Variants in MGAT4C observed in about 807,000 individuals in gnomAD.
The protein encoded by MGAT4C is alpha-1,3-mannosyl-glycoprotein 4-beta-N-acetylglucosaminyltransferase C.
In MGAT4C, 19 loss-of-function variants were observed where a neutral mutation model predicts 40.1. The observed-to-expected ratio is 0.47, with a 90% CI of 0.33 to 0.70. The LOEUF (loss-of-function observed/expected upper bound fraction) is 0.70, where lower values mean the gene tolerates loss of function less well. Among genes scored for constraint, MGAT4C ranks in the 30% least tolerant of loss-of-function variants. MGAT4C has a pLI of 0.02. For missense variants in MGAT4C, 491 were observed against 563.2 expected, an observed-to-expected ratio of 0.87 and a Z score of 1.30; for synonymous variants, 181 against 187.1, an observed-to-expected ratio of 0.97 and a Z score of 0.27.
intron 2 of MGAT4C, among the ~76,000 whole-genome samples, chr12:86,616,331 G>C (rs554452140): frequency 1.2e-3 from 179 of 152,136 alleles, no homozygotes; most frequent in African/African-American, 4.3e-3. Context: ...TTCTAGATTA[G>C]ACAAATTAAT....
chr12:86,423,500 A>G (rs969781828), intron 3 of MGAT4C, among the ~76,000 whole-genome samples: 5 of 152,070 alleles, frequency 3.3e-5, no homozygotes, highest in Non-Finnish European at 5.9e-5. Context: ...ACTATCCACT[A>G]TATAATTTCT....
At chr12:86,129,522 A>G (rs1404844103) in intron 1 of MGAT4C, among the ~76,000 whole-genome samples, 1 of 147,378 alleles carries the variant, frequency 6.8e-6, no homozygotes, top group Non-Finnish European at 1.5e-5. Flanking sequence ...CTTACATACA[A>G]CTGAGTTTTT....
chr12:86,061,108 A>G (rs1324561513), intron 1 of MGAT4C, among the ~76,000 whole-genome samples: 1 of 152,146 alleles, frequency 6.6e-6, no homozygotes, highest in Non-Finnish European at 1.5e-5. Context: ...TGCAGCTCCC[A>G]GCAAGATCAA....
chr12:86,076,139 A>G (rs1869657489), intron 1 of MGAT4C, among the ~76,000 whole-genome samples: 1 of 152,210 alleles, frequency 6.6e-6, no homozygotes, highest in Non-Finnish European at 1.5e-5. Flanking sequence ...TTATTTTGCC[A>G]GATACCCTAA....
chr12:86,244,020 G>GT (rs1951911064), intron 1 of MGAT4C, among the ~76,000 whole-genome samples: 1 of 152,114 alleles, frequency 6.6e-6, no homozygotes, highest in African/African-American at 2.4e-5. Flanking sequence ...TGCTGCTGGT[G>GT]GTGTTTGTCA....
intron 1 of MGAT4C, among the ~76,000 whole-genome samples, chr12:86,199,049 G>T (rs1949932760): frequency 1.3e-5 from 2 of 152,162 alleles, no homozygotes; most frequent in Non-Finnish European, 2.9e-5. Context: ...TTACCTTAAT[G>T]ATAATGCTGA....
At chr12:86,226,781 C>T (rs939689355) in intron 1 of MGAT4C, among the ~76,000 whole-genome samples, 1 of 151,962 alleles carries the variant, frequency 6.6e-6, no homozygotes, top group Non-Finnish European at 1.5e-5. Flanking sequence ...TTCTTTTCAG[C>T]GTTGTCAAAA....
At chr12:86,452,177 AG>A (rs552520166) in intron 2 of MGAT4C, among the ~76,000 whole-genome samples, 1 of 149,986 alleles carries the variant, frequency 6.7e-6, no homozygotes, top group Non-Finnish European at 1.5e-5. Context: ...AGTACTAACT[AG>A]GGCCATTCTT....
At chr12:86,808,859 C>T (rs1323079172) in intron 1 of MGAT4C, among the ~76,000 whole-genome samples, 1 of 151,982 alleles carries the variant, frequency 6.6e-6, no homozygotes, top group Non-Finnish European at 1.5e-5. Context: ...TATACAGATA[C>T]TGTGATCCTA....
intron 3 of MGAT4C, among the ~76,000 whole-genome samples, chr12:85,986,973 G>T (rs898644356): frequency 1.3e-4 from 19 of 151,798 alleles, no homozygotes; most frequent in Admixed American, 9.2e-4. Flanking sequence ...ATGCGATTTG[G>T]TTAAAAAACA....
At chr12:86,306,680 G>A (rs1953941393) in intron 4 of MGAT4C, among the ~76,000 whole-genome samples, 1 of 150,380 alleles carries the variant, frequency 6.6e-6, no homozygotes, top group Non-Finnish European at 1.5e-5. Flanking sequence ...TAGGATTTGT[G>A]CATTTTATTC....
Position 86,419,412 on chromosome 12 carries a change from ATAAATTT to A in MGAT4C, c.-120+15738_-120+15744del, listed in dbSNP as rs574115168. Among the ~76,000 whole-genome samples, 8 of 151,340 alleles carry A rather than the reference ATAAATTT, an allele frequency of 5.3e-5. No individual in the cohort carries two copies. In the East Asian group the frequency reaches 1.5e-3, roughly 29 times the overall value. ...TATATGTACATATATCCATACATAC[ATAAATTT>A]TAAATTATATATAAATATATATCAC... On this transcript the variant is annotated intron_variant, in intron 3 of 7. Coordinates refer to the MGAT4C transcript ENST00000548651.
At chr12:86,387,829 T>C (rs1291029271) in intron 3 of MGAT4C, among the ~76,000 whole-genome samples, 1 of 152,174 alleles carries the variant, frequency 6.6e-6, no homozygotes, top group African/African-American at 2.4e-5. Flanking sequence ...TCAAATACTG[T>C]GGATGTTATT....
At chr12:86,533,243 TTGA>T (rs1490014780) in intron 2 of MGAT4C, among the ~76,000 whole-genome samples, 1 of 152,072 alleles carries the variant, frequency 6.6e-6, no homozygotes, top group African/African-American at 2.4e-5. Context: ...TGGAGGAATC[TTGA>T]TGAGCTACTC....
chr12:86,805,610 T>A (rs959549871), intron 1 of MGAT4C, among the ~76,000 whole-genome samples: 1 of 152,164 alleles, frequency 6.6e-6, no homozygotes, highest in African/African-American at 2.4e-5. Context: ...CTTTATCTAA[T>A]CAACTATTGA....
intron 1 of MGAT4C, among the ~76,000 whole-genome samples, chr12:86,185,721 AAATT>A (rs1888683490): frequency 6.6e-6 from 1 of 152,172 alleles, no homozygotes; most frequent in African/African-American, 2.4e-5. Context: ...TTACATAATT[AAATT>A]ATCTTAAAGA....
At chr12:86,662,056 G>A (rs1963992110) in intron 2 of MGAT4C, among the ~76,000 whole-genome samples, 1 of 152,098 alleles carries the variant, frequency 6.6e-6, no homozygotes, top group African/African-American at 2.4e-5. Flanking sequence ...TAATTACACT[G>A]AAGAATGGCA....
Position 86,641,652 on chromosome 12 carries a change from C to T in MGAT4C, c.-229+85557G>A, listed in dbSNP as rs1207082119. ...GCTTTTCTCCAGCTTACTGAACAAA[C>T]AGACTGAAGAATTACTGCAGAGATA... is the stretch of plus-strand genomic sequence containing the variant. On this transcript the variant is annotated intron_variant, in intron 2 of 7. Coordinates refer to the MGAT4C transcript ENST00000548651. Among the ~76,000 whole-genome samples the T allele has an allele frequency of 2.0e-5, 3 of 151,868 alleles. No homozygotes were observed. In the East Asian group the frequency reaches 5.8e-4, roughly 30 times the overall value.
At chr12:86,056,890 CTGT>C (rs1204138092) in intron 1 of MGAT4C, among the ~76,000 whole-genome samples, 2 of 152,106 alleles carry the variant, frequency 1.3e-5, no homozygotes, top group Admixed American at 6.6e-5. Context: ...TCTCCAGCAT[CTGT>C]TGTTTCCTAA....
Sources: gnomAD v4.1 joint callset for allele counts (sites outside exome capture counted in the v4.1 genomes callset) on GRCh38, gnomAD v4.1.1 for gene constraint, MANE v1.5 for transcripts, NCBI Gene and HGNC (gene_info 2026-07-23, HGNC 2026-07-21) for gene names.